ERC2: variants seen among roughly 807,000 people sequenced by gnomAD.
ERC2 encodes ERC protein 2.
A neutral mutation model predicts 114.8 loss-of-function variants in ERC2; 42 were observed. The ratio of observed to expected loss-of-function variants is 0.37; its 90% CI spans 0.29 to 0.47. The LOEUF (loss-of-function observed/expected upper bound fraction) is 0.47, where lower values mean the gene tolerates loss of function less well. Among genes scored for constraint, ERC2 ranks in the 20% least tolerant of loss-of-function variants. The pLI is 0.99. For missense variants in ERC2, 939 were observed against 1,150.7 expected (o/e 0.82, Z 2.66); for synonymous variants, 454 against 425.5 (o/e 1.07, Z -0.82).
At chr3:56,342,190 G>A (rs1056783720) in intron 2 of ERC2, among the ~76,000 whole-genome samples, 30 of 152,324 alleles carry the variant, frequency 2.0e-4, no homozygotes, top group African/African-American at 7.2e-4. Context: ...AAATGTCCCA[G>A]ACCATTTTAT....
chr3:56,272,699 G>A (rs139153606), intron 3 of ERC2, among the ~76,000 whole-genome samples: 54 of 152,326 alleles, frequency 3.5e-4, no homozygotes, highest in Middle Eastern at 3.4e-3. Flanking sequence ...GAACCCAGGA[G>A]CTGGAGGTTG....
chr3:55,947,372 G>A (rs1346573548), intron 13 of ERC2, among the ~76,000 whole-genome samples: 2 of 152,136 alleles, frequency 1.3e-5, no homozygotes, highest in African/African-American at 4.8e-5. Context: ...TCTTTTGATA[G>A]ACTGAATGAT....
At chr3:55,752,614 T>C (rs2148971219) in intron 14 of ERC2, among the ~76,000 whole-genome samples, 1 of 152,282 alleles carries the variant, frequency 6.6e-6, no homozygotes, top group South Asian at 2.1e-4. Flanking sequence ...CTAAGTCCTT[T>C]ATGTGTACTA....
intron 13 of ERC2, among the ~76,000 whole-genome samples, chr3:55,930,335 G>C (rs1031265562): frequency 6.6e-6 from 1 of 152,216 alleles, no homozygotes. Context: ...GTAAGGCAGA[G>C]ATTACCACAG....
rs147778343 is a variant in ERC2, at chr3:55,899,534, A to G, written c.2404-10985T>C. ...GTGTGAGAGAGAGAGTGTGTGTGTG[A>G]TTTAAAAGTGTTACAAAGAAATTAA... On this transcript the variant is annotated intron_variant, in intron 13 of 17. Coordinates refer to ENST00000288221, the MANE Select transcript of ERC2 (RefSeq NM_015576.3). 5.7e-3 allele frequency among the ~76,000 whole-genome samples: 863 copies of G among 152,148 alleles called. 10 individuals carry two copies. The highest frequency in any genetic ancestry group is 0.014 in the East Asian group (73 of 5,172).
intron 14 of ERC2, among the ~76,000 whole-genome samples, chr3:55,736,097 C>T (rs1234019908): frequency 6.6e-6 from 1 of 152,164 alleles, no homozygotes; most frequent in Non-Finnish European, 1.5e-5. Flanking sequence ...GGGACCACTA[C>T]AAAAGCTTAC....
At chr3:56,404,032 T>A (rs1336756256) in intron 2 of ERC2, among the ~76,000 whole-genome samples, 1 of 152,328 alleles carries the variant, frequency 6.6e-6, no homozygotes, top group South Asian at 2.1e-4. Context: ...GATCAGCAGG[T>A]TCCTTGGGCC....
At chr3:55,845,428 CG>C (rs1223252574) in intron 14 of ERC2, among the ~76,000 whole-genome samples, 1 of 137,356 alleles carries the variant, frequency 7.3e-6, no homozygotes, top group Non-Finnish European at 1.5e-5. Flanking sequence ...GCCGTGAACC[CG>C]GGAGGCGGAG....
At chr3:55,706,017 G>A (rs553508396) in intron 15 of ERC2, among the ~76,000 whole-genome samples, 2 of 152,164 alleles carry the variant, frequency 1.3e-5, no homozygotes, top group East Asian at 1.9e-4. Context: ...CTCGGCTTGA[G>A]GTCTTGCTTT....
At chr3:55,528,993 C>T (rs2053507992) in intron 17 of ERC2, among the ~76,000 whole-genome samples, 1 of 152,088 alleles carries the variant, frequency 6.6e-6, no homozygotes, top group East Asian at 1.9e-4. Context: ...AGGCTAAATC[C>T]AAGGTTGCAA....
chr3:56,263,505 G>A (rs2053087011), intron 3 of ERC2, among the ~76,000 whole-genome samples: 1 of 152,134 alleles, frequency 6.6e-6, no homozygotes, highest in Non-Finnish European at 1.5e-5. Flanking sequence ...GCCCCCCGCA[G>A]AGAAAAGGAT....
intron 6 of ERC2, among the ~76,000 whole-genome samples, chr3:56,132,827 A>G (rs1037430041): frequency 6.6e-6 from 1 of 152,226 alleles, no homozygotes; most frequent in South Asian, 2.1e-4. Flanking sequence ...ATGTTTGTAT[A>G]TATATAAACG....
At chr3:55,713,131 T>TCTCTCACA (rs1553638935) in intron 15 of ERC2, among the ~76,000 whole-genome samples, 2 of 139,332 alleles carry the variant, frequency 1.4e-5, no homozygotes, top group South Asian at 2.4e-4. Context: ...TCTCTCTGTC[T>TCTCTCACA]CACACACACA....
chr3:55,579,041 G>A (rs943120848), intron 17 of ERC2, among the ~76,000 whole-genome samples: 1 of 152,130 alleles, frequency 6.6e-6, no homozygotes, highest in Non-Finnish European at 1.5e-5. Context: ...GTTGGTCAAA[G>A]GAAGTCTTAA....
chr3:55,943,565 C>T (rs549974285), intron 13 of ERC2, among the ~76,000 whole-genome samples: 21 of 152,110 alleles, frequency 1.4e-4, no homozygotes, highest in African/African-American at 4.8e-4. Flanking sequence ...AGACTCACGA[C>T]TGCAGACCAG....
chr3:55,733,526 ATTCTTTCTCTCT>A (rs1559567210), intron 15 of ERC2, among the ~76,000 whole-genome samples: 1 of 30,826 alleles, frequency 3.2e-5, no homozygotes, highest in African/African-American at 9.9e-5. Context: ...TCTGTCTCTC[ATTCTTTCTCTCT>A]CTCTCACACA....
intron 12 of ERC2, among the ~76,000 whole-genome samples, chr3:55,966,445 G>A (rs185716005): frequency 1.3e-5 from 2 of 152,248 alleles, no homozygotes; most frequent in East Asian, 1.9e-4. Context: ...CTCCAACTCA[G>A]GTGCCTAAGC....
chr3:55,583,918 G>A lies in ERC2; in HGVS notation c.*40-72642C>T, dbSNP rs1443931869. ...CCTCCCAAAACAGGTACAGGGTTAG[G>A]AGTCAAGCTCCCAAGACTTTCTGGG... On this transcript the variant is annotated intron_variant, in intron 17 of 17. Coordinates refer to ENST00000288221, the MANE Select transcript of ERC2 (RefSeq NM_015576.3). Among the ~76,000 whole-genome samples the A allele has an allele frequency of 2.0e-5, 3 of 152,190 alleles. No homozygotes were observed. The East Asian group carries it at 5.8e-4, about 30-fold the overall frequency.
At chr3:55,529,745 G>T (rs1015328771) in intron 17 of ERC2, among the ~76,000 whole-genome samples, 7 of 152,180 alleles carry the variant, frequency 4.6e-5, no homozygotes. Context: ...AGAAACTGCT[G>T]CATCACACAG....
Sources: allele counts gnomAD v4.1 joint callset (sites outside exome capture counted in the v4.1 genomes callset), GRCh38; gene constraint gnomAD v4.1.1; transcripts MANE v1.5; gene names NCBI Gene and HGNC (gene_info 2026-07-23, HGNC 2026-07-21).